EYA1: variants seen among roughly 807,000 people sequenced by gnomAD.
EYA1 encodes the protein EYA transcriptional coactivator and phosphatase 1.
In EYA1, 16 loss-of-function variants were observed where a neutral mutation model predicts 82.0. That is an observed-to-expected ratio of 0.20 (90% CI 0.13 to 0.30). EYA1 has a LOEUF of 0.30. Among genes scored for constraint, EYA1 ranks in the 10% least tolerant of loss-of-function variants. The probability of loss-of-function intolerance (pLI) is 1.00; values close to 1 mark genes in which losing one functional copy is unlikely to be tolerated. For missense variants in EYA1, 633 were observed against 730.7 expected, an observed-to-expected ratio of 0.87 and a Z score of 1.54; for synonymous variants, 261 against 264.4, an observed-to-expected ratio of 0.99 and a Z score of 0.12.
intron 6 of EYA1, among the ~76,000 whole-genome samples, chr8:71,320,086 A>G (rs1049857527): frequency 1.3e-5 from 2 of 152,154 alleles, no homozygotes; most frequent in African/African-American, 4.8e-5. Flanking sequence ...TTCTATTCCC[A>G]GATCTTTTGC....
intron 11 of EYA1, among the ~76,000 whole-genome samples, chr8:71,245,724 T>G (rs867732497): frequency 1.2e-4 from 18 of 152,154 alleles, no homozygotes; most frequent in African/African-American, 4.3e-4. Flanking sequence ...ATTATTTGCA[T>G]TCATTAAACC....
intron 2 of EYA1, among the ~76,000 whole-genome samples, chr8:71,533,821 C>T (rs1715271230): frequency 6.6e-6 from 1 of 152,180 alleles, no homozygotes; most frequent in African/African-American, 2.4e-5. Flanking sequence ...CAGTGCCACA[C>T]AGTGTTTGCC....
intron 2 of EYA1, among the ~76,000 whole-genome samples, chr8:71,525,096 A>T (rs1325149515): frequency 1.3e-5 from 2 of 152,184 alleles, no homozygotes; most frequent in African/African-American, 4.8e-5. Context: ...TCCTCATTTT[A>T]GAGATGAAGA....
At chr8:71,258,047 A>C (rs987496190) in intron 11 of EYA1, among the ~76,000 whole-genome samples, 1 of 152,112 alleles carries the variant, frequency 6.6e-6, no homozygotes, top group African/African-American at 2.4e-5. Flanking sequence ...ATTTCTTTGG[A>C]GATTCTGCAG....
chr8:71,330,759 A>C (rs1823744278), intron 4 of EYA1, among the ~76,000 whole-genome samples: 1 of 152,180 alleles, frequency 6.6e-6, no homozygotes, highest in African/African-American at 2.4e-5. Flanking sequence ...ATAATTTGAA[A>C]CTTGCAGAAA....
At chr8:71,261,139 C>T (rs1586053556) in intron 11 of EYA1, among the ~76,000 whole-genome samples, 3 of 152,168 alleles carry the variant, frequency 2.0e-5, no homozygotes, top group East Asian at 3.9e-4. Flanking sequence ...AAAGGAAAAA[C>T]TATGCTGAAA....
intron 2 of EYA1, among the ~76,000 whole-genome samples, chr8:71,380,406 G>A (rs1383568707): frequency 6.6e-6 from 1 of 152,096 alleles, no homozygotes; most frequent in Non-Finnish European, 1.5e-5. Context: ...TGATGTTGTG[G>A]GAAAACACAA....
chr8:71,315,554 T>C (rs1209471174), intron 7 of EYA1, among the ~76,000 whole-genome samples: 1 of 152,204 alleles, frequency 6.6e-6, no homozygotes, highest in Non-Finnish European at 1.5e-5. Context: ...GAATCTGCAA[T>C]TGCATAATTT....
chr8:71,487,703 A>G (rs1490581169), intron 2 of EYA1, among the ~76,000 whole-genome samples: 1 of 152,230 alleles, frequency 6.6e-6, no homozygotes, highest in African/African-American at 2.4e-5. Flanking sequence ...GGCTAACCAA[A>G]TGACTAACGG....
chr8:71,335,559 T>G (rs1278316360), intron 3 of EYA1, among the ~76,000 whole-genome samples: 2 of 152,218 alleles, frequency 1.3e-5, no homozygotes. Context: ...TAACTGAAGT[T>G]GTAACTGAAG....
chr8:71,353,797 G>A (rs1030263601), intron 3 of EYA1, among the ~76,000 whole-genome samples: 2 of 152,020 alleles, frequency 1.3e-5, no homozygotes, highest in African/African-American at 4.8e-5. Context: ...ATAGTGACTG[G>A]GAAATGATGG....
chr8:71,405,194 T>G (rs573565754), intron 2 of EYA1, among the ~76,000 whole-genome samples: 1 of 152,280 alleles, frequency 6.6e-6, no homozygotes, highest in African/African-American at 2.4e-5. Flanking sequence ...ATTAGCTTAT[T>G]TCCTTTTCTG....
At chr8:71,397,107 C>T (rs887447761) in intron 2 of EYA1, among the ~76,000 whole-genome samples, 3 of 152,292 alleles carry the variant, frequency 2.0e-5, no homozygotes, top group Admixed American at 1.3e-4. Flanking sequence ...ACCAGGATTG[C>T]AACCCCTGCT....
At chr8:71,403,991 A>T (rs1830088232) in intron 2 of EYA1, 1 of 152,228 alleles carries the variant, frequency 6.6e-6, no homozygotes, top group African/African-American at 2.4e-5. Context: ...AACATTAAGG[A>T]CATTTAAAAA....
At chr8:71,399,600 T>C (rs1182849000) in intron 2 of EYA1, among the ~76,000 whole-genome samples, 2 of 152,144 alleles carry the variant, frequency 1.3e-5, no homozygotes, top group Non-Finnish European at 2.9e-5. Context: ...GTGAAGGACC[T>C]CTTCAAGGAG....
At position 71,331,489 on chromosome 8, in the gene EYA1, T is replaced by TTC. The variant is rs1554554558; in HGVS notation, c.202+2607_202+2608insGA. Among the ~76,000 whole-genome samples the TTC allele has an allele frequency of 2.8e-4, 41 of 146,844 alleles. 1 individual carries two copies. The highest frequency in any genetic ancestry group is 9.9e-4 in the African/African-American group (40 of 40,296). On this transcript the variant is annotated intron_variant, in intron 4 of 17. Transcript: ENST00000340726. ...ATTACTTTTTAAAAGTATAAATGTTTTATATATATATATACACATATATAT... is the reference window on the plus strand; with the variant it reads ...ATTACTTTTTAAAAGTATAAATGTTTTCTATATATATATATACACATATATAT...
At chr8:71,350,941 C>A (rs1826246803) in intron 3 of EYA1, among the ~76,000 whole-genome samples, 1 of 152,164 alleles carries the variant, frequency 6.6e-6, no homozygotes, top group African/African-American at 2.4e-5. Context: ...TTCGAAAGAA[C>A]CTTTCCCAAC....
rs1013621547 is a variant in EYA1, at chr8:71,388,996, A to C, written c.34-32485T>G. ...AACATTCCTCTTCTGGGCCCCTCTCACCCCTCCACACGAGAACGCCTGCCA... is the reference window on the plus strand; with the variant it reads ...AACATTCCTCTTCTGGGCCCCTCTCCCCCCTCCACACGAGAACGCCTGCCA... On this transcript the variant is annotated intron_variant, in intron 2 of 18. Transcript: ENST00000643681. Among the ~76,000 whole-genome samples the C allele has an allele frequency of 2.0e-5, 3 of 151,112 alleles. 1 individual carries two copies. In the South Asian group the frequency reaches 6.3e-4, roughly 32 times the overall value.
chr8:71,458,697 T>A (rs1450275237), intron 2 of EYA1, among the ~76,000 whole-genome samples: 1 of 152,124 alleles, frequency 6.6e-6, no homozygotes, highest in Non-Finnish European at 1.5e-5. Context: ...GCAACTATAT[T>A]GAAAGTGGAG....
Sources: gnomAD v4.1 joint callset for allele counts (sites outside exome capture counted in the v4.1 genomes callset) on GRCh38, gnomAD v4.1.1 for gene constraint, MANE v1.5 for transcripts, NCBI Gene and HGNC (gene_info 2026-07-23, HGNC 2026-07-21) for gene names.